Variants in ZRANB3 observed in about 807,000 individuals in gnomAD.
ZRANB3 encodes DNA annealing helicase and endonuclease ZRANB3.
ZRANB3 carries 125 observed loss-of-function variants against 133.8 expected under a neutral mutation model. That is an observed-to-expected ratio of 0.93 (90% CI 0.81 to 1.08). The LOEUF (loss-of-function observed/expected upper bound fraction) is 1.08, where lower values mean the gene tolerates loss of function less well. Among genes scored for constraint, ZRANB3 ranks in the 50% least tolerant of loss-of-function variants. ZRANB3 has a pLI of 0.00. For synonymous variants in ZRANB3, 387 were observed against 432.7 expected (o/e 0.89, Z 1.31); for missense variants, 1,229 against 1,275.5 (o/e 0.96, Z 0.56).
chr2:135,434,050 T>C (rs1414539936), intron 2 of ZRANB3, among the ~76,000 whole-genome samples: 2 of 152,094 alleles, frequency 1.3e-5, no homozygotes, highest in Non-Finnish European at 2.9e-5. Context: ...TAATCCCGGA[T>C]GCTCGGGAGG....
chr2:135,480,198 TC>T (rs1691712717), intron 2 of ZRANB3, among the ~76,000 whole-genome samples: 1 of 151,876 alleles, frequency 6.6e-6, no homozygotes, highest in Non-Finnish European at 1.5e-5. Context: ...CGCCTCAGCC[TC>T]CCAAAGTGCT....
At chr2:135,355,276 T>A in intron 3 of ZRANB3, 2 of 985,376 alleles carry the variant, frequency 2.0e-6, no homozygotes, top group South Asian at 4.7e-5. Context: ...AGCCCTCCAA[T>A]TTTCACACCC....
At chr2:135,301,574 C>T (rs1682434752) in intron 8 of ZRANB3, among the ~76,000 whole-genome samples, 1 of 152,110 alleles carries the variant, frequency 6.6e-6, no homozygotes, top group South Asian at 2.1e-4. Context: ...GGCATGTTGA[C>T]CTACTTTTGG....
intron 2 of ZRANB3, among the ~76,000 whole-genome samples, chr2:135,408,896 A>T (rs1298827131): frequency 6.6e-6 from 1 of 152,282 alleles, no homozygotes; most frequent in Non-Finnish European, 1.5e-5. Flanking sequence ...TAGTGGGTGC[A>T]GCACGCCAAC....
chr2:135,248,170 C>T (rs1695887806), intron 12 of ZRANB3, among the ~76,000 whole-genome samples: 1 of 152,200 alleles, frequency 6.6e-6, no homozygotes, highest in Non-Finnish European at 1.5e-5. Context: ...AGTAGCCCTA[C>T]AGAAAACTGG....
intron 2 of ZRANB3, among the ~76,000 whole-genome samples, chr2:135,476,415 A>G (rs1342582209): frequency 6.6e-6 from 1 of 152,218 alleles, no homozygotes; most frequent in Non-Finnish European, 1.5e-5. Flanking sequence ...GTATGTCTGT[A>G]GATAAGGGAC....
At chr2:135,231,884 T>C (rs1299935301) in intron 12 of ZRANB3, among the ~76,000 whole-genome samples, 2 of 152,094 alleles carry the variant, frequency 1.3e-5, no homozygotes, top group Non-Finnish European at 2.9e-5. Context: ...AGATGGGTGA[T>C]TTCTGCATTT....
chr2:135,249,679 T>A (rs553751652), intron 12 of ZRANB3, among the ~76,000 whole-genome samples: 1 of 152,312 alleles, frequency 6.6e-6, no homozygotes, highest in African/African-American at 2.4e-5. Flanking sequence ...CAAGTAAGTC[T>A]CATGAGATCT....
chr2:135,393,225 T>C (rs1374694517), intron 2 of ZRANB3, among the ~76,000 whole-genome samples: 2 of 152,096 alleles, frequency 1.3e-5, no homozygotes, highest in Non-Finnish European at 2.9e-5. Flanking sequence ...AATTAAAACA[T>C]ATATAAGAGT....
At chr2:135,281,442 T>A (rs1318619955) in intron 8 of ZRANB3, among the ~76,000 whole-genome samples, 1 of 152,048 alleles carries the variant, frequency 6.6e-6, no homozygotes, top group Non-Finnish European at 1.5e-5. Flanking sequence ...CCCCTGCAAA[T>A]GATTCTGACT....
At position 135,239,881 on chromosome 2, in the gene ZRANB3, G is replaced by A. The variant is rs144654906; in HGVS notation, c.1540-8954C>T. Among the ~76,000 whole-genome samples the A allele has an allele frequency of 2.2e-4, 33 of 151,866 alleles. No individual in the cohort carries two copies. The East Asian group carries it at 6.0e-3, about 28-fold the overall frequency. On this transcript the variant is annotated intron_variant, in intron 12 of 20. Transcript: ENST00000264159. ...CACCTGTAGTCCCAGCTACTTGGGA[G>A]ACTGAGGCAGAAGAACCGCTCAAAC... is the stretch of plus-strand genomic sequence containing the variant.
At chr2:135,243,945 G>C (rs1335029504) in intron 12 of ZRANB3, among the ~76,000 whole-genome samples, 3 of 150,780 alleles carry the variant, frequency 2.0e-5, no homozygotes, top group Admixed American at 1.3e-4. Context: ...TTTAAGAAGA[G>C]CAAATAAAAC....
At chr2:135,246,104 T>A (rs1254011124) in intron 12 of ZRANB3, among the ~76,000 whole-genome samples, 1 of 141,168 alleles carries the variant, frequency 7.1e-6, no homozygotes, top group Admixed American at 7.1e-5. Flanking sequence ...AATGGTGTGA[T>A]CTCGGCTCAC....
chr2:135,379,583 T>A (rs1292285752), intron 3 of ZRANB3, among the ~76,000 whole-genome samples: 1 of 152,112 alleles, frequency 6.6e-6, no homozygotes, highest in Non-Finnish European at 1.5e-5. Flanking sequence ...GAAGGAGAAA[T>A]AAAATCCTTT....
intron 3 of ZRANB3, among the ~76,000 whole-genome samples, chr2:135,384,578 G>C (rs1298576641): frequency 6.6e-6 from 1 of 151,746 alleles, no homozygotes; most frequent in East Asian, 1.9e-4. Flanking sequence ...GATGAACATT[G>C]ATGCAAAAAT....
intron 2 of ZRANB3, among the ~76,000 whole-genome samples, chr2:135,394,844 G>A (rs1366045579): frequency 6.6e-6 from 1 of 150,982 alleles, no homozygotes; most frequent in African/African-American, 2.4e-5. Flanking sequence ...TAAGCTGGGT[G>A]TAGTGGCTTA....
At chr2:135,341,128 G>A (rs894087628) in intron 6 of ZRANB3, among the ~76,000 whole-genome samples, 1 of 149,504 alleles carries the variant, frequency 6.7e-6, no homozygotes, top group Admixed American at 6.6e-5. Flanking sequence ...CCGGGTTCAC[G>A]CCACTCTCCT....
chr2:135,386,198 T>G (rs550058163), intron 3 of ZRANB3, among the ~76,000 whole-genome samples: 1 of 152,160 alleles, frequency 6.6e-6, no homozygotes, highest in South Asian at 2.1e-4. Flanking sequence ...AACAGACACT[T>G]CTCAAAAGAA....
chr2:135,219,126 AG>A lies in ZRANB3; in HGVS notation c.2302del (p.Leu768PhefsTer11). 1 of 1,540,370 alleles carries A rather than the reference AG, an allele frequency of 6.5e-7. No individual in the cohort carries two copies. The highest frequency in any genetic ancestry group is 1.3e-5 in the South Asian group (1 of 78,236). On this transcript the variant is annotated frameshift_variant, in exon 16 of 21. Transcript: ENST00000264159. LOFTEE classifies it high-confidence loss of function. ...NFIPLDIKLD[L>X]WEDLPASFQL... ...AAAGCTTGCTGGTAAATCTTCCCAA[AG>A]GTCTAATTTTATATCCAGAGGAATG...
Sources: allele counts gnomAD v4.1 joint callset (sites outside exome capture counted in the v4.1 genomes callset), GRCh38; gene constraint gnomAD v4.1.1; transcripts MANE v1.5; gene names NCBI Gene and HGNC (gene_info 2026-07-23, HGNC 2026-07-21).